Variants in ZNF426 observed in about 807,000 individuals in gnomAD.
The protein encoded by ZNF426 is CTC-543D15.7.
ZNF426 carries 23 observed loss-of-function variants against 24.0 expected under a neutral mutation model. That is an observed-to-expected ratio of 0.96 (90% confidence interval 0.69 to 1.36). ZNF426 has a LOEUF of 1.36. ZNF426 is among the 40% of genes most tolerant of loss of function. The pLI is 0.00. For missense variants in ZNF426, 646 were observed against 658.4 expected (o/e 0.98, Z 0.21); for synonymous variants, 272 against 224.6 (o/e 1.21, Z -1.89).
chr19:9,538,174 G>A (rs1314135269), intron 2 of ZNF426, 85 bp downstream of exon 2: 1 of 152,014 alleles, frequency 6.6e-6, no homozygotes. Context: ...ACAATAAGAC[G>A]AAACCAAACT....
chr19:9,534,058 G>A, intron 4 of ZNF426, 92 bp from the exon 5 acceptor site: 1 of 1,534,372 alleles, frequency 6.5e-7, no homozygotes, highest in Non-Finnish European at 8.8e-7. Flanking sequence ...TGCCTATGCA[G>A]GATTCCAAGG....
At chr19:9,537,996 T>A (rs1325605935) in intron 2 of ZNF426, among the ~76,000 whole-genome samples, 1 of 152,186 alleles carries the variant, frequency 6.6e-6, no homozygotes, top group Non-Finnish European at 1.5e-5. Flanking sequence ...TGTACAGGCC[T>A]AGGAACTCCA....
In ZNF426 at chr19:9,526,943, C is replaced by T. The variant is rs2073799284; in HGVS notation, c.*1437G>A. On this transcript the variant is annotated 3_prime_UTR_variant, in exon 8 of 8. Transcript: ENST00000253115. ...AATAAAAATGTTTATTTTTCTAATACTTAATTGATCTGATAACTTCTGAAA... is the reference window on the plus strand; with the variant it reads ...AATAAAAATGTTTATTTTTCTAATATTTAATTGATCTGATAACTTCTGAAA... 6.6e-6 allele frequency: 1 copy of T among 151,976 alleles called. No individual in the cohort carries two copies. Among genetic ancestry groups the T allele is most frequent in the Non-Finnish European group, 1.5e-5 (1 of 68,002 alleles). 9.4% of individuals were successfully genotyped at this position (151,976 alleles called of 1,614,324 possible). A position where few individuals can be genotyped will look rare whatever the true frequency, so the allele number is the denominator to read the frequency against.
At position 9,529,289 on chromosome 19, in the gene ZNF426, G is replaced by A. The variant is rs149507515; in HGVS notation, c.756C>T (p.Tyr252=). 58 of 1,613,768 alleles carry A rather than the reference G, an allele frequency of 3.6e-5. No individual in the cohort carries two copies. Among genetic ancestry groups the A allele is most frequent in the Middle Eastern group, 1.6e-4 (1 of 6,084 alleles). The part of the protein sequence containing the change: ...HMRTHNGEKL[Y]EWRNYGPGFI... Reference sequence around the variant, plus strand: ...AACCTGGCCCATAATTCCTCCATTCGTAGAGTTTTTCTCCATTGTGAGTTC... The same window carrying A: ...AACCTGGCCCATAATTCCTCCATTCATAGAGTTTTTCTCCATTGTGAGTTC... The change falls in exon 8 of 8, where the codon TAC becomes TAT. Residue 252 remains tyrosine, a synonymous_variant. Coordinates refer to ENST00000253115, the MANE Select transcript of ZNF426 (RefSeq NM_024106.3).
In ZNF426 at chr19:9,526,581, G is replaced by A. The variant is rs2073794176; in HGVS notation, c.*1799C>T. 6.7e-6 allele frequency: 1 copy of A among 149,636 alleles called. No individual in the cohort carries two copies. The highest frequency in any genetic ancestry group is 1.5e-5 in the Non-Finnish European group (1 of 67,328). The allele number at this position is 149,636 out of a possible 1,614,324, so 9.3% of individuals were successfully genotyped here. ...ATCCACACCTGAAAAGCAAAGAGAA[G>A]AATAAAAAAACAAGATATAAGAACT... On this transcript the variant is annotated 3_prime_UTR_variant, in exon 8 of 8. Coordinates refer to ENST00000253115, the MANE Select transcript of ZNF426 (RefSeq NM_024106.3).
Position 9,528,690 on chromosome 19 carries a change from T to C in ZNF426, c.1355A>G (p.Glu452Gly), listed in dbSNP as rs2073829902. 1 of 1,614,204 alleles carries C rather than the reference T, an allele frequency of 6.2e-7. No individual in the cohort carries two copies. Among genetic ancestry groups the C allele is most frequent in the Admixed American group, 1.7e-5 (1 of 60,014 alleles). The change falls in exon 8 of 8, where the codon GAA becomes GGA. Residue 452 changes from glutamate (E) to glycine (G), a missense_variant. Coordinates refer to ENST00000253115, the MANE Select transcript of ZNF426 (RefSeq NM_024106.3). ...GGAATAGTTAAAAGCCTTCCCACAT[T>C]CCTTACAGGTGTATGGTTTCTGGGC... The part of the protein sequence containing the change: ...HSAQKPYTCK[E>G]CGKAFNYSTH...
chr19:9,536,571 A>C (rs180900553), intron 2 of ZNF426: 6 of 314,026 alleles, frequency 1.9e-5, no homozygotes, highest in Non-Finnish European at 3.6e-5. Context: ...AACAAACAAA[A>C]AAAAATGAAG....
At chr19:9,531,793 G>A (rs2073888565) in intron 6 of ZNF426, among the ~76,000 whole-genome samples, 1 of 152,108 alleles carries the variant, frequency 6.6e-6, no homozygotes, top group South Asian at 2.1e-4. Flanking sequence ...GATTATCCTG[G>A]CTAACACGGT....
intron 6 of ZNF426, among the ~76,000 whole-genome samples, chr19:9,531,807 A>T (rs757122470): frequency 6.6e-6 from 1 of 152,150 alleles, no homozygotes; most frequent in Non-Finnish European, 1.5e-5. Context: ...ACACGGTGAA[A>T]CCCCGTCTCT....
intron 6 of ZNF426, 144 bp downstream of exon 6, chr19:9,532,701 G>T (rs1332042167): frequency 9.9e-6 from 6 of 603,102 alleles, no homozygotes. Flanking sequence ...ATAAAAGCGT[G>T]TGGGAAGTTA....
In ZNF426 at chr19:9,527,754, G is replaced by C. The variant is rs963440969; in HGVS notation, c.*626C>G. 2 of 152,310 alleles carry C rather than the reference G, an allele frequency of 1.3e-5. No individual in the cohort carries two copies. Among genetic ancestry groups the C allele is most frequent in the Middle Eastern group, 6.8e-3 (2 of 294 alleles). The allele number at this position is 152,310 out of a possible 1,614,324, so 9.4% of individuals were successfully genotyped here. On this transcript the variant is annotated 3_prime_UTR_variant, in exon 8 of 8. Coordinates refer to ENST00000253115, the MANE Select transcript of ZNF426 (RefSeq NM_024106.3). ...CACAGACTGGGTGGCTCAAACAAGA[G>C]AATTTTATTTGTTCAAAGTTCTGGA...
intron 2 of ZNF426, among the ~76,000 whole-genome samples, chr19:9,537,590 A>C (rs2073987173): frequency 6.7e-6 from 1 of 149,286 alleles, no homozygotes; most frequent in Non-Finnish European, 1.5e-5. Context: ...GTACCCAGCC[A>C]GCTTTTTTTT....
chr19:9,537,161 T>A (rs1165788247), intron 2 of ZNF426, among the ~76,000 whole-genome samples: 2 of 151,410 alleles, frequency 1.3e-5, no homozygotes, highest in Non-Finnish European at 2.9e-5. Context: ...ATAATGACAA[T>A]CATTAATTAA....
chr19:9,525,263 T>C lies in ZNF426; in HGVS notation c.*3117A>G, dbSNP rs1365464647. ...GACTCCGTCTCAAAAAAAATAAAAA[T>C]AAAAATAAAAATAAAAATAAAAATA... is the stretch of plus-strand genomic sequence containing the variant. On this transcript the variant is annotated 3_prime_UTR_variant, in exon 8 of 8. Coordinates refer to ENST00000253115, the MANE Select transcript of ZNF426 (RefSeq NM_024106.3). 1.3e-5 allele frequency: 2 copies of C among 150,784 alleles called. No individual in the cohort carries two copies. The highest frequency in any genetic ancestry group is 3.9e-4 in the East Asian group (2 of 5,124). 9.3% of individuals were successfully genotyped at this position (150,784 alleles called of 1,614,324 possible). A position where few individuals can be genotyped will look rare whatever the true frequency, so the allele number is the denominator to read the frequency against.
At chr19:9,535,107 G>T in intron 4 of ZNF426, 81 bp downstream of exon 4, 19 of 922,532 alleles carry the variant, frequency 2.1e-5, no homozygotes, top group Non-Finnish European at 3.0e-5. Flanking sequence ...GAAGTCTGGA[G>T]ACAACTCTGC....
chr19:9,529,094 G>T lies in ZNF426; in HGVS notation c.951C>A (p.Phe317Leu). 1 of 1,613,664 alleles carries T rather than the reference G, an allele frequency of 6.2e-7. No individual in the cohort carries two copies. Among genetic ancestry groups the T allele is most frequent in the Middle Eastern group, 1.7e-4 (1 of 6,058 alleles). ...GTATCTGAAATGAGTTGGAATAATT[G>T]AAGGCTTTCCCACATTCCTTACATT... ...PYECKECGKA[F>L]NYSNSFQIHG... is the part of the protein sequence containing the mutation. The change falls in exon 8 of 8, where the codon TTC becomes TTA. Residue 317 changes from phenylalanine to leucine, a missense_variant. Coordinates refer to ENST00000253115, the MANE Select transcript of ZNF426 (RefSeq NM_024106.3).
chr19:9,529,667 T>G, intron 7 of ZNF426, 31 bp from the exon 8 acceptor site: 1 of 1,551,750 alleles, frequency 6.4e-7, no homozygotes, highest in Non-Finnish European at 8.6e-7. Flanking sequence ...ATTTAAGGAT[T>G]TTTCTCAAAC....
chr19:9,535,382 G>A, intron 3 of ZNF426, 103 bp from the exon 4 acceptor site: 1 of 775,962 alleles, frequency 1.3e-6, no homozygotes, highest in Non-Finnish European at 2.1e-6. Context: ...ATATATTCCT[G>A]CAAAATCAGG....
Position 9,526,300 on chromosome 19 carries a change from A to C in ZNF426, c.*2080T>G, listed in dbSNP as rs368737780. ...GAGAAAGAGTAAGAACCAGAACCAG[A>C]TATAGCAGGATTGCTGAAATTATCA... On this transcript the variant is annotated 3_prime_UTR_variant, in exon 8 of 8. Transcript: ENST00000253115. 3 of 152,024 alleles carry C rather than the reference A, an allele frequency of 2.0e-5. No individual in the cohort carries two copies. The East Asian group carries it at 5.8e-4, about 29-fold the overall frequency. The allele number at this position is 152,024 out of a possible 1,614,324, so 9.4% of individuals were successfully genotyped here. A position where few individuals can be genotyped will look rare whatever the true frequency, so the allele number is the denominator to read the frequency against.
Sources: gnomAD v4.1 joint callset for allele counts (sites outside exome capture counted in the v4.1 genomes callset) on GRCh38, gnomAD v4.1.1 for gene constraint, MANE v1.5 for transcripts, NCBI Gene and HGNC (gene_info 2026-07-23, HGNC 2026-07-21) for gene names.